The following WWC2 variants were observed in gnomAD, a reference collection of about 807,000 sequenced individuals.
WWC2 encodes the protein WW and C2 domain containing 2.
Under a neutral mutation model 138.5 loss-of-function variants are expected in WWC2, and 101 were observed. That is an observed-to-expected ratio of 0.73 (90% CI 0.62 to 0.86). The LOEUF is 0.86. Ranked by LOEUF, WWC2 falls within the 40% of genes least tolerant of loss-of-function variation. The probability of loss-of-function intolerance (pLI) is 0.00; values close to 1 mark genes in which losing one functional copy is unlikely to be tolerated. For missense variants in WWC2, 1,420 were observed against 1,419.4 expected, an observed-to-expected ratio of 1.00 and a Z score of -0.01; for synonymous variants, 558 against 538.4, an observed-to-expected ratio of 1.04 and a Z score of -0.50.
At chr4:183,233,670 T>TA (rs1736328755) in intron 4 of WWC2, 1 of 152,256 alleles carries the variant, frequency 6.6e-6, no homozygotes, top group African/African-American at 2.4e-5. Context: ...TTCCATTTAT[T>TA]AGCCATCATA....
intron 4 of WWC2, among the ~76,000 whole-genome samples, chr4:183,230,196 G>A (rs1211051462): frequency 6.6e-6 from 1 of 151,852 alleles, no homozygotes; most frequent in African/African-American, 2.4e-5. Flanking sequence ...AAAAAAGGAC[G>A]TTAGTGAAAA....
chr4:183,298,995 T>C (rs1738730310), intron 21 of WWC2, among the ~76,000 whole-genome samples: 1 of 152,196 alleles, frequency 6.6e-6, no homozygotes, highest in African/African-American at 2.4e-5. Context: ...TAGGAAACTA[T>C]GCTGTCTTAG....
At chr4:183,143,831 AT>A (rs1419093505) in intron 1 of WWC2, among the ~76,000 whole-genome samples, 2 of 152,040 alleles carry the variant, frequency 1.3e-5, no homozygotes, top group East Asian at 3.9e-4. Context: ...AAAAAAAAAA[AT>A]ACACACAAAC....
At chr4:183,157,948 G>C (rs1414847263) in intron 1 of WWC2, among the ~76,000 whole-genome samples, 1 of 151,924 alleles carries the variant, frequency 6.6e-6, no homozygotes, top group African/African-American at 2.4e-5. Context: ...CTGCCTCCTA[G>C]AGTCCCAAGG....
At chr4:183,118,022 A>G (rs922521038) in intron 1 of WWC2, among the ~76,000 whole-genome samples, 1 of 149,958 alleles carries the variant, frequency 6.7e-6, no homozygotes, top group Non-Finnish European at 1.5e-5. Flanking sequence ...CTGGTCTTGA[A>G]CTGCTGACTT....
At chr4:183,285,818 C>T (rs1164038815) in intron 19 of WWC2, 149 bp from the exon 20 acceptor site, 2 of 641,434 alleles carry the variant, frequency 3.1e-6, no homozygotes, top group Non-Finnish European at 5.3e-6. Flanking sequence ...CAAAATAGAA[C>T]AGGAAAAACT....
At chr4:183,266,008 AT>A in intron 14 of WWC2, 57 bp downstream of exon 14, 1 of 1,444,746 alleles carries the variant, frequency 6.9e-7, no homozygotes. Flanking sequence ...ATGTAAGAGA[AT>A]TTTACACTGT....
At position 183,289,362 on chromosome 4, in the gene WWC2, G is replaced by A. The variant is rs1177728805; in HGVS notation, c.3142-31G>A. ...GGGTAACCACTGCCTGTATAACCAG[G>A]GTGTTCGTCATTCCGTTTCTAACTA... On this transcript the variant is annotated intron_variant, in intron 20 of 22. Coordinates refer to ENST00000403733, the MANE Select transcript of WWC2 (RefSeq NM_024949.6). The A allele has an allele frequency of 3.1e-6, 5 of 1,600,412 alleles. No individual in the cohort carries two copies. The African/African-American group carries it at 6.7e-5, about 21-fold the overall frequency.
At chr4:183,182,938 T>C (rs1734678381) in intron 1 of WWC2, among the ~76,000 whole-genome samples, 1 of 152,238 alleles carries the variant, frequency 6.6e-6, no homozygotes, top group Admixed American at 6.5e-5. Flanking sequence ...TCTTTCTGCC[T>C]TCCTTCCTAC....
intron 1 of WWC2, among the ~76,000 whole-genome samples, chr4:183,124,100 G>C (rs1732686297): frequency 6.6e-6 from 1 of 152,056 alleles, no homozygotes. Flanking sequence ...TTCTGGGAAG[G>C]GGTTGTTCTT....
At chr4:183,251,385 TGGAGAACTGGGCCTTAAGCCC>T (rs1013221002) in intron 8 of WWC2, among the ~76,000 whole-genome samples, 1 of 152,260 alleles carries the variant, frequency 6.6e-6, no homozygotes, top group African/African-American at 2.4e-5. Flanking sequence ...GAAGCAGTCT[TGGAGAACTGGGCCTTAAGCCC>T]CTGCATTCTT....
At chr4:183,177,240 A>C (rs892087660) in intron 1 of WWC2, among the ~76,000 whole-genome samples, 1 of 152,228 alleles carries the variant, frequency 6.6e-6, no homozygotes, top group African/African-American at 2.4e-5. Context: ...TGTGACTTCC[A>C]CAACAGGTGT....
intron 1 of WWC2, among the ~76,000 whole-genome samples, chr4:183,181,642 T>C (rs1734636213): frequency 6.6e-6 from 1 of 152,212 alleles, no homozygotes; most frequent in Admixed American, 6.5e-5. Flanking sequence ...ACAAAATACG[T>C]TACTTGACTG....
At chr4:183,228,078 C>A (rs552579355) in intron 4 of WWC2, among the ~76,000 whole-genome samples, 1 of 151,922 alleles carries the variant, frequency 6.6e-6, no homozygotes, top group African/African-American at 2.4e-5. Flanking sequence ...TAAAGAGACA[C>A]CTAACAACAA....
At chr4:183,186,467 A>T (rs1412792266) in intron 1 of WWC2, among the ~76,000 whole-genome samples, 1 of 152,174 alleles carries the variant, frequency 6.6e-6, no homozygotes, top group African/African-American at 2.4e-5. Flanking sequence ...CTAGGTTAGG[A>T]TGAGGGAATG....
intron 15 of WWC2, among the ~76,000 whole-genome samples, chr4:183,270,292 T>C (rs1737657132): frequency 6.6e-6 from 1 of 152,140 alleles, no homozygotes; most frequent in Admixed American, 6.5e-5. Context: ...CTATGTGTGA[T>C]TTGGTGGAAT....
At position 183,163,495 on chromosome 4, in the gene WWC2, G is replaced by C. The variant is rs573248074; in HGVS notation, c.132-30104G>C. Among the ~76,000 whole-genome samples the C allele has an allele frequency of 8.5e-4, 129 of 152,342 alleles. 1 individual carries two copies. The highest frequency in any genetic ancestry group is 2.6e-3 in the African/African-American group (109 of 41,580). Reference sequence around the variant, plus strand: ...GCAGATAACTTTATTTAGGTAAGCTGTGAGGTTGAGACTTCTGTGATCTGG... The same window carrying C: ...GCAGATAACTTTATTTAGGTAAGCTCTGAGGTTGAGACTTCTGTGATCTGG... On this transcript the variant is annotated intron_variant, in intron 1 of 22. Coordinates refer to ENST00000403733, the MANE Select transcript of WWC2 (RefSeq NM_024949.6).
At chr4:183,210,978 A>G (rs980713607) in intron 4 of WWC2, among the ~76,000 whole-genome samples, 3 of 152,254 alleles carry the variant, frequency 2.0e-5, no homozygotes, top group African/African-American at 7.2e-5. Flanking sequence ...TTATGTCTGC[A>G]CTAAGTCTCT....
chr4:183,129,642 T>C (rs968049092), intron 1 of WWC2, among the ~76,000 whole-genome samples: 2 of 152,236 alleles, frequency 1.3e-5, no homozygotes, highest in Admixed American at 1.3e-4. Flanking sequence ...TCTGTACAGT[T>C]GTTCTTTCTA....
Sources: allele counts gnomAD v4.1 joint callset (sites outside exome capture counted in the v4.1 genomes callset), GRCh38; gene constraint gnomAD v4.1.1; transcripts MANE v1.5; gene names NCBI Gene and HGNC (gene_info 2026-07-23, HGNC 2026-07-21).